Variants in ARMC2 observed in about 807,000 individuals in gnomAD.
ARMC2 encodes armadillo repeat containing 2.
A neutral mutation model predicts 90.3 loss-of-function variants in ARMC2; 67 were observed. The ratio of observed to expected loss-of-function variants is 0.74; its 90% CI spans 0.61 to 0.91. The LOEUF (loss-of-function observed/expected upper bound fraction) is 0.91. Ranked by LOEUF, ARMC2 falls within the 40% of genes least tolerant of loss-of-function variation. ARMC2 has a pLI of 0.00. For missense variants in ARMC2, 920 were observed against 1,030.9 expected (o/e 0.89, Z 1.47); for synonymous variants, 393 against 393.0 (o/e 1.00, Z 0.00).
rs897137846 is a variant in ARMC2 at position 108,964,253 on chromosome 6, C to T, written c.2226C>T (p.Leu742=). 1 of 1,613,968 alleles carries T rather than the reference C, an allele frequency of 6.2e-7. No homozygotes were observed. The highest frequency in any genetic ancestry group is 8.5e-7 in the Non-Finnish European group (1 of 1,179,874). Residue 742 remains leucine (L), a synonymous_variant, in exon 16 of 18, where the codon CTC becomes CTT. Coordinates refer to ENST00000392644, the MANE Select transcript of ARMC2 (RefSeq NM_032131.6). ...DICFSACGVL[L]NLTVDKDKRV... Reference sequence around the variant, plus strand: ...GCTTTTCTGCCTGTGGTGTTCTCCTCAATCTCACTGTGGATAAAGACAAGC... The same window carrying T: ...GCTTTTCTGCCTGTGGTGTTCTCCTTAATCTCACTGTGGATAAAGACAAGC...
chr6:109,009,853 A>G, the ARMC2 span, among the ~76,000 whole-genome samples: 1 of 152,070 alleles, frequency 6.6e-6, no homozygotes, highest in Non-Finnish European at 1.5e-5. Flanking sequence ...GGACAGGGGA[A>G]TCTGCCCCCT....
chr6:108,926,881 T>C (rs1775145281), intron 10 of ARMC2, among the ~76,000 whole-genome samples: 1 of 152,050 alleles, frequency 6.6e-6, no homozygotes, highest in Admixed American at 6.6e-5. Context: ...CATTGTATAA[T>C]TGAATTGATT....
intron 17 of ARMC2, among the ~76,000 whole-genome samples, chr6:108,967,349 C>A (rs1778443183): frequency 6.6e-6 from 1 of 152,176 alleles, no homozygotes; most frequent in Non-Finnish European, 1.5e-5. Flanking sequence ...AAGCCTGGGG[C>A]AATCAGCCAT....
At chr6:109,008,857 C>T in the ARMC2 span, 2 of 985,794 alleles carry the variant, frequency 2.0e-6, no homozygotes, top group Non-Finnish European at 2.4e-6. Context: ...GCAACATCAT[C>T]TCTTCCCTGA....
chr6:108,905,144 A>G (rs552376048), intron 8 of ARMC2, among the ~76,000 whole-genome samples: 147 of 152,344 alleles, frequency 9.6e-4, no homozygotes, highest in Non-Finnish European at 1.8e-3. Flanking sequence ...TCTTGGTTTC[A>G]TACAAGTACA....
Position 108,962,047 on chromosome 6 carries a change from A to T in ARMC2, c.2072A>T (p.Asp691Val). Residue 691 changes from aspartate to valine, a missense_variant, in exon 15 of 18, where the codon GAT (aspartate) becomes GTT (valine). By Grantham distance (152) the Asp-to-Val change is radical. Coordinates refer to ENST00000392644, the MANE Select transcript of ARMC2 (RefSeq NM_032131.6). ...LLKLLVSNNM[D>V]GILEAVRVFG... The stretch of plus-strand genomic sequence containing the variant: ...AAGCTTCTTGTCAGTAACAACATGG[A>T]TGGAATCCTGGAGGCTGTGCGTGTT... 3.1e-6 allele frequency: 5 copies of T among 1,613,220 alleles called. No individual in the cohort carries two copies. Among genetic ancestry groups the T allele is most frequent in the Non-Finnish European group, 4.2e-6 (5 of 1,179,636 alleles).
the ARMC2 span, among the ~76,000 whole-genome samples, chr6:109,004,104 G>A: frequency 6.6e-6 from 1 of 152,012 alleles, no homozygotes; most frequent in Non-Finnish European, 1.5e-5. Context: ...AAAAAGTGAA[G>A]CTGGAACACT....
chr6:108,871,643 G>A (rs1776429232), intron 4 of ARMC2, among the ~76,000 whole-genome samples: 1 of 152,118 alleles, frequency 6.6e-6, no homozygotes, highest in Admixed American at 6.5e-5. Flanking sequence ...GCTTGCTGAG[G>A]TACACACTGA....
intron 11 of ARMC2, among the ~76,000 whole-genome samples, chr6:108,930,126 TAAA>T (rs548988083): frequency 1.4e-5 from 2 of 139,006 alleles, no homozygotes; most frequent in Non-Finnish European, 1.6e-5. Context: ...AGACCCTATC[TAAA>T]AAAAAAAAAA....
chr6:108,959,350 T>G (rs1777822613), intron 13 of ARMC2: 1 of 152,290 alleles, frequency 6.6e-6, no homozygotes, highest in Non-Finnish European at 1.5e-5. Flanking sequence ...CACAGTCCTC[T>G]TCCTCAGCTC....
chr6:108,910,479 G>A (rs891085009), intron 8 of ARMC2, among the ~76,000 whole-genome samples: 1 of 152,118 alleles, frequency 6.6e-6, no homozygotes, highest in Non-Finnish European at 1.5e-5. Flanking sequence ...AAAAGAGAGA[G>A]AGAGACTTTA....
the ARMC2 span, among the ~76,000 whole-genome samples, chr6:109,014,921 ATTTAG>A: frequency 6.6e-6 from 1 of 152,140 alleles, no homozygotes; most frequent in Non-Finnish European, 1.5e-5. Flanking sequence ...CTATTTATTT[ATTTAG>A]TTTGTCTCAA....
rs1426179895 is a variant in ARMC2 at position 108,936,993 on chromosome 6, G to A, written c.1590G>A (p.Lys530=). 4 of 1,588,442 alleles carry A rather than the reference G, an allele frequency of 2.5e-6. No individual in the cohort carries two copies. In the East Asian group the frequency reaches 9.0e-5, roughly 36 times the overall value. ...TGAATCTAATTAACAAATACCAGAA[G>A]AAGCAGGTCAGTTCTTCATTCATTT... ...LFLNLINKYQ[K]KQDLVVRVVF... Residue 530 remains lysine, a synonymous_variant, in exon 12 of 18, where the codon AAG becomes AAA. Coordinates refer to ENST00000392644, the MANE Select transcript of ARMC2 (RefSeq NM_032131.6).
At chr6:108,988,546 C>T in the ARMC2 span, 1 of 1,608,220 alleles carries the variant, frequency 6.2e-7, no homozygotes, top group Non-Finnish European at 8.5e-7. Context: ...CACATACCTT[C>T]TCAGAGTGCT....
At chr6:108,991,751 C>T in the ARMC2 span, among the ~76,000 whole-genome samples, 7 of 152,144 alleles carry the variant, frequency 4.6e-5, no homozygotes, top group South Asian at 2.1e-4. Context: ...TATGCCATCA[C>T]GCTGGTCAAA....
At chr6:108,860,619 G>A (rs1042425407) in intron 3 of ARMC2, among the ~76,000 whole-genome samples, 1 of 141,950 alleles carries the variant, frequency 7.0e-6, no homozygotes, top group Non-Finnish European at 1.5e-5. Flanking sequence ...CCGAGTTCGC[G>A]CCACTGCACT....
chr6:108,972,577 A>G (rs971808112), intron 17 of ARMC2, among the ~76,000 whole-genome samples: 1 of 152,228 alleles, frequency 6.6e-6, no homozygotes, highest in East Asian at 1.9e-4. Flanking sequence ...TACGTTGTTT[A>G]TTCTGAGAAA....
At chr6:108,872,669 A>T (rs920740258) in intron 4 of ARMC2, among the ~76,000 whole-genome samples, 1 of 152,164 alleles carries the variant, frequency 6.6e-6, no homozygotes, top group Non-Finnish European at 1.5e-5. Flanking sequence ...ACCATGAAAA[A>T]TGATCATTTT....
At position 108,954,691 on chromosome 6, in the gene ARMC2, G is replaced by T. The variant is rs114549115; in HGVS notation, c.1915+1340G>T. 6.2e-4 allele frequency among the ~76,000 whole-genome samples: 94 copies of T among 152,294 alleles called. 2 individuals are homozygous for T. In the South Asian group the frequency reaches 8.3e-3, roughly 13 times the overall value. On this transcript the variant is annotated intron_variant, in intron 13 of 17. Coordinates refer to ENST00000392644, the MANE Select transcript of ARMC2 (RefSeq NM_032131.6). Reference sequence around the variant, plus strand: ...GTTGTTGTTTTGGAAGGAAGCTAATGTCTGACACAAATGATGTTTTGGAGG... The same window carrying T: ...GTTGTTGTTTTGGAAGGAAGCTAATTTCTGACACAAATGATGTTTTGGAGG...
Sources: allele counts gnomAD v4.1 joint callset (sites outside exome capture counted in the v4.1 genomes callset), GRCh38; gene constraint gnomAD v4.1.1; transcripts MANE v1.5; gene names NCBI Gene and HGNC (gene_info 2026-07-23, HGNC 2026-07-21).